Variants in GSAP observed in about 807,000 individuals in gnomAD.
The protein encoded by GSAP is gamma-secretase-activating protein.
A neutral mutation model predicts 131.7 loss-of-function variants in GSAP; 118 were observed. The ratio of observed to expected loss-of-function variants is 0.90; its 90% CI spans 0.77 to 1.04. The LOEUF is 1.04. GSAP is among the 50% of genes least tolerant of loss of function. The pLI, the probability that GSAP is intolerant of heterozygous loss-of-function variation, is 0.00. For missense variants in GSAP, 1,019 were observed against 1,013.2 expected (o/e 1.01, Z -0.08); for synonymous variants, 381 against 363.4 (o/e 1.05, Z -0.55).
In GSAP at chr7:77,326,258, G is replaced by T; in HGVS notation, c.1781C>A (p.Pro594His). Residue 594 changes from proline (P) to histidine (H), a missense_variant, in exon 23 of 31, where the codon CCC becomes CAC. Pro to His is a moderately conservative substitution (Grantham distance 77). Transcript: ENST00000257626. ...EARNLGPRLTPLLQEEDSHQR... is the reference protein window; with the variant it reads ...EARNLGPRLTHLLQEEDSHQR... Reference sequence around the variant, plus strand: ...GTGGCTGTCTTCCTCCTGCAGGAGGGGTGTTAATCTTGGCCCTGAAATGAA... The same window carrying T: ...GTGGCTGTCTTCCTCCTGCAGGAGGTGTGTTAATCTTGGCCCTGAAATGAA... 2 of 1,611,472 alleles carry T rather than the reference G, an allele frequency of 1.2e-6. No homozygotes were observed. Among genetic ancestry groups the T allele is most frequent in the Non-Finnish European group, 1.7e-6 (2 of 1,177,954 alleles).
intron 12 of GSAP, among the ~76,000 whole-genome samples, chr7:77,364,829 A>T: frequency 6.6e-6 from 1 of 152,242 alleles, no homozygotes; most frequent in East Asian, 1.9e-4. Context: ...TTGAAATGGT[A>T]TGTACACAGG....
chr7:77,349,064 T>A (rs1792365432), intron 19 of GSAP, among the ~76,000 whole-genome samples: 1 of 152,202 alleles, frequency 6.6e-6, no homozygotes, highest in African/African-American at 2.4e-5. Flanking sequence ...GTACAGCCTG[T>A]TCTGAGGTAC....
At chr7:77,398,148 G>A (rs1271717816) in intron 3 of GSAP, among the ~76,000 whole-genome samples, 1 of 152,122 alleles carries the variant, frequency 6.6e-6, no homozygotes, top group Admixed American at 6.6e-5. Context: ...ACACCCAGAG[G>A]ATAAGGGAAA....
chr7:77,359,401 C>T (rs185163430), intron 14 of GSAP, among the ~76,000 whole-genome samples: 90 of 152,118 alleles, frequency 5.9e-4, no homozygotes, highest in Admixed American at 1.2e-3. Context: ...AATAGTAGCT[C>T]ATTATTTATA....
rs1793507676 is a variant in GSAP, at chr7:77,355,359, A to G, written c.1192T>C (p.Cys398Arg). The G allele has an allele frequency of 6.2e-7, 1 of 1,613,436 alleles. No homozygotes were observed. The highest frequency in any genetic ancestry group is 8.5e-7 in the Non-Finnish European group (1 of 1,179,552). The part of the protein sequence containing the change: ...QSLSGSLVLD[C>R]CSGKLYRALL... ...GCTCTATAGAGCTTTCCAGAACAAC[A>G]ATCCAATACCAGGGACCCTGACAAT... The change falls in exon 16 of 31, where the codon TGT becomes CGT. Residue 398 changes from cysteine (C) to arginine (R), a missense_variant. Physicochemically the swap from Cys to Arg is radical, Grantham distance 180. Transcript: ENST00000257626.
intron 24 of GSAP, 110 bp from the exon 25 acceptor site, chr7:77,321,513 C>T (rs1787641575): frequency 1.4e-6 from 1 of 725,592 alleles, no homozygotes. Flanking sequence ...GGCATTCAGG[C>T]TGCATCCAGA....
intron 1 of GSAP, 59 bp downstream of exon 1, chr7:77,416,154 G>A: frequency 5.0e-6 from 5 of 1,003,498 alleles, no homozygotes; most frequent in Non-Finnish European, 5.4e-6. Flanking sequence ...CGGAGTCCGG[G>A]GGGTATGAGG....
At chr7:77,380,112 T>C (rs1017593240) in intron 8 of GSAP, 11 of 184,480 alleles carry the variant, frequency 6.0e-5, no homozygotes, top group African/African-American at 2.6e-4. Flanking sequence ...AACTAAACAA[T>C]TTTCAAAAAA....
intron 19 of GSAP, among the ~76,000 whole-genome samples, chr7:77,335,512 G>A (rs1324135759): frequency 6.6e-6 from 1 of 152,050 alleles, no homozygotes; most frequent in Admixed American, 6.5e-5. Context: ...TTTTCTCTTA[G>A]GATGACCTGA....
chr7:77,403,513 C>G (rs1053088569), intron 3 of GSAP, among the ~76,000 whole-genome samples: 3 of 152,122 alleles, frequency 2.0e-5, no homozygotes, highest in Admixed American at 1.3e-4. Flanking sequence ...CCCATTTGCT[C>G]CCAGAATTAG....
chr7:77,312,562 C>T (rs1446873337), intron 28 of GSAP, among the ~76,000 whole-genome samples: 1 of 152,198 alleles, frequency 6.6e-6, no homozygotes, highest in African/African-American at 2.4e-5. Context: ...CTGCCATTGT[C>T]TTGCCTAGAA....
chr7:77,351,447 A>G, intron 18 of GSAP: 2 of 984,474 alleles, frequency 2.0e-6, no homozygotes, highest in Non-Finnish European at 2.4e-6. Context: ...ACATTTGCAG[A>G]TAAGAGAAAA....
At chr7:77,332,939 C>G (rs908054681) in intron 19 of GSAP, among the ~76,000 whole-genome samples, 3 of 152,110 alleles carry the variant, frequency 2.0e-5, no homozygotes, top group Non-Finnish European at 4.4e-5. Context: ...AAGGCAGAGG[C>G]AGGCGGATCA....
intron 19 of GSAP, among the ~76,000 whole-genome samples, chr7:77,338,519 C>G (rs1344254169): frequency 6.6e-6 from 1 of 152,186 alleles, no homozygotes; most frequent in Non-Finnish European, 1.5e-5. Flanking sequence ...GGCTTATCAA[C>G]AAATTTATTT....
chr7:77,392,683 G>A (rs1306842032), intron 5 of GSAP, among the ~76,000 whole-genome samples: 1 of 152,192 alleles, frequency 6.6e-6, no homozygotes, highest in African/African-American at 2.4e-5. Flanking sequence ...GAGAACGGAG[G>A]TGAGCAAAAG....
chr7:77,404,039 G>A (rs1801832497), intron 3 of GSAP, among the ~76,000 whole-genome samples: 1 of 152,218 alleles, frequency 6.6e-6, no homozygotes, highest in Non-Finnish European at 1.5e-5. Context: ...TGCATGTACT[G>A]TGATAACTGA....
chr7:77,347,510 A>G (rs1792088971), intron 19 of GSAP, among the ~76,000 whole-genome samples: 1 of 152,120 alleles, frequency 6.6e-6, no homozygotes, highest in Non-Finnish European at 1.5e-5. Flanking sequence ...TGTGTTGATG[A>G]TTATTGTTGC....
At chr7:77,355,917 A>G (rs1341446753) in intron 14 of GSAP, among the ~76,000 whole-genome samples, 3 of 151,494 alleles carry the variant, frequency 2.0e-5, no homozygotes, top group Non-Finnish European at 2.9e-5. Flanking sequence ...CAGCCTCCCA[A>G]GTAGCTGGGA....
chr7:77,390,316 T>G (rs1043065040), intron 5 of GSAP, among the ~76,000 whole-genome samples: 1 of 152,164 alleles, frequency 6.6e-6, no homozygotes, highest in Non-Finnish European at 1.5e-5. Flanking sequence ...ATTTTGGCTT[T>G]TGTTGCCATT....
Sources: allele counts gnomAD v4.1 joint callset (sites outside exome capture counted in the v4.1 genomes callset), GRCh38; gene constraint gnomAD v4.1.1; transcripts MANE v1.5; gene names NCBI Gene and HGNC (gene_info 2026-07-23, HGNC 2026-07-21).